The following PTP4A3 variants were observed in gnomAD, a reference collection of about 807,000 sequenced individuals.
PTP4A3 encodes the protein protein tyrosine phosphatase 4A3, also known as protein tyrosine phosphatase type IVA 3.
PTP4A3 carries 9 observed loss-of-function variants against 15.2 expected under a neutral mutation model. The ratio of observed to expected loss-of-function variants is 0.59; its 90% CI spans 0.36 to 1.03. PTP4A3 has a LOEUF of 1.03. Among genes scored for constraint, PTP4A3 ranks in the 50% least tolerant of loss-of-function variants. The pLI, the probability that PTP4A3 is intolerant of heterozygous loss-of-function variation, is 0.02. For missense variants in PTP4A3, 234 were observed against 252.1 expected, an observed-to-expected ratio of 0.93 and a Z score of 0.49; for synonymous variants, 95 against 102.0, an observed-to-expected ratio of 0.93 and a Z score of 0.41.
At chr8:141,393,385 C>T (rs1832348398) in intron 1 of PTP4A3, among the ~76,000 whole-genome samples, 2 of 152,188 alleles carry the variant, frequency 1.3e-5, no homozygotes, top group Non-Finnish European at 2.9e-5. Context: ...ACTGTGGTTA[C>T]GAAGGAGGAG....
rs1167823988 is a variant in PTP4A3 at position 141,421,991 on chromosome 8, C to T, written c.-250C>T. 1.3e-5 allele frequency: 6 copies of T among 474,466 alleles called. No homozygotes were observed. In the Admixed American group the frequency reaches 1.6e-4, roughly 13 times the overall value. The allele number at this position is 474,466 out of a possible 1,614,324, so 29.4% of individuals were successfully genotyped here. A position where few individuals can be genotyped will look rare whatever the true frequency, so the allele number is the denominator to read the frequency against. On this transcript the variant is annotated 5_prime_UTR_variant, in exon 2 of 6. Transcript: ENST00000521578. ...GGGGGGGGCGGCGGGCTGTTTTGTT[C>T]CTTTTCTTTTTTAAGAGTTGGGTTT...
chr8:141,396,064 C>T (rs1832443729), intron 1 of PTP4A3, among the ~76,000 whole-genome samples: 1 of 152,208 alleles, frequency 6.6e-6, no homozygotes, highest in South Asian at 2.1e-4. Flanking sequence ...ATGTGTAACC[C>T]CCACCCCTGC....
rs1832292746 is a variant in PTP4A3 at position 141,392,055 on chromosome 8, C to G, written c.-883C>G. Reference sequence around the variant, plus strand: ...GGCGCGCGCGTCCCGAGCCCTCCACCCGTCGTGCCGGCGCCGCCCGGACCG... The same window carrying G: ...GGCGCGCGCGTCCCGAGCCCTCCACGCGTCGTGCCGGCGCCGCCCGGACCG... On this transcript the variant is annotated 5_prime_UTR_variant, in exon 1 of 6. Transcript: ENST00000521578. 6.8e-6 allele frequency: 1 copy of G among 147,000 alleles called. No individual in the cohort carries two copies. Among genetic ancestry groups the G allele is most frequent in the Admixed American group, 6.8e-5 (1 of 14,788 alleles). The allele number at this position is 147,000 out of a possible 1,614,324, so 9.1% of individuals were successfully genotyped here. A position where few individuals can be genotyped will look rare whatever the true frequency, so the allele number is the denominator to read the frequency against.
At chr8:141,414,100 C>T (rs1832949401) in intron 1 of PTP4A3, among the ~76,000 whole-genome samples, 2 of 152,170 alleles carry the variant, frequency 1.3e-5, no homozygotes, top group South Asian at 4.1e-4. Context: ...GAGCACACAT[C>T]TCTGTGTATG....
chr8:141,427,185 G>T (rs1174771688), intron 4 of PTP4A3, 116 bp downstream of exon 4: 2 of 1,452,768 alleles, frequency 1.4e-6, no homozygotes, highest in Non-Finnish European at 9.2e-7. Context: ...CTTCCCAGGA[G>T]GCCCATGCCC....
chr8:141,428,667 A>T (rs1833698420), intron 5 of PTP4A3, among the ~76,000 whole-genome samples: 1 of 152,082 alleles, frequency 6.6e-6, no homozygotes. Flanking sequence ...GGTCTGTGCG[A>T]GAGCGTGGCC....
intron 1 of PTP4A3, among the ~76,000 whole-genome samples, chr8:141,419,900 C>G (rs1833247658): frequency 6.6e-6 from 1 of 152,314 alleles, no homozygotes; most frequent in African/African-American, 2.4e-5. Flanking sequence ...TTTTAACCTT[C>G]CCAGAACCAT....
intron 1 of PTP4A3, among the ~76,000 whole-genome samples, chr8:141,401,592 C>A (rs1431163915): frequency 1.3e-5 from 2 of 152,154 alleles, no homozygotes; most frequent in Non-Finnish European, 2.9e-5. Flanking sequence ...GTTCCCACGG[C>A]TGCCCAGCCA....
rs1360030342 is a variant in PTP4A3, at chr8:141,431,276, G to GGC, written c.*235_*236dup. On this transcript the variant is annotated 3_prime_UTR_variant, in exon 6 of 6. Transcript: ENST00000521578. ...TCCTGTCTCCGCCACTCCCTCTGGC[G>GGC]GCGCTGGCCGTGGCTCTGTCTCTCT... is the stretch of plus-strand genomic sequence containing the variant. 63 of 566,106 alleles carry GGC rather than the reference G, an allele frequency of 1.1e-4. No individual in the cohort carries two copies. The East Asian group carries it at 1.8e-3, about 17-fold the overall frequency. The allele number at this position is 566,106 out of a possible 1,614,324, so 35.1% of individuals were successfully genotyped here.
At chr8:141,397,318 A>C (rs1832476515) in intron 1 of PTP4A3, among the ~76,000 whole-genome samples, 1 of 151,620 alleles carries the variant, frequency 6.6e-6, no homozygotes. Flanking sequence ...CACAGGCTCC[A>C]GGCAGTGGGG....
At position 141,427,047 on chromosome 8, in the gene PTP4A3, C is replaced by T. The variant is rs765227210; in HGVS notation, c.307C>T (p.His103Tyr). ...CEAPGSCVAV[H>Y]CVAGLGRAPV... ...GGCCCCCGGCAGCTGCGTGGCTGTGCACTGCGTGGCGGGCCTGGGCCGGTG... is the reference window on the plus strand; with the variant it reads ...GGCCCCCGGCAGCTGCGTGGCTGTGTACTGCGTGGCGGGCCTGGGCCGGTG... Residue 103 changes from histidine (H) to tyrosine (Y), a missense_variant, in exon 4 of 6, where the codon CAC (histidine) becomes TAC (tyrosine). Coordinates refer to ENST00000521578, the MANE Select transcript of PTP4A3 (RefSeq NM_032611.3). 16 of 1,599,794 alleles carry T rather than the reference C, an allele frequency of 1.0e-5. No individual in the cohort carries two copies. The highest frequency in any genetic ancestry group is 1.4e-5 in the Non-Finnish European group (16 of 1,179,726).
At chr8:141,415,089 G>A (rs946454725) in intron 1 of PTP4A3, among the ~76,000 whole-genome samples, 2 of 152,144 alleles carry the variant, frequency 1.3e-5, no homozygotes, top group African/African-American at 4.8e-5. Flanking sequence ...AGGAAATGGG[G>A]ACAACAGGAT....
intron 1 of PTP4A3, among the ~76,000 whole-genome samples, chr8:141,411,023 G>T (rs1326453981): frequency 2.0e-5 from 3 of 152,200 alleles, no homozygotes; most frequent in Non-Finnish European, 4.4e-5. Context: ...GTCAGTGCTG[G>T]CAGCACTGGC....
At position 141,429,362 on chromosome 8, in the gene PTP4A3, G is replaced by A. The variant is rs147320275; in HGVS notation, c.404+1538G>A. Among the ~76,000 whole-genome samples, 116 of 152,370 alleles carry A rather than the reference G, an allele frequency of 7.6e-4. 1 individual carries two copies. Among genetic ancestry groups the A allele is most frequent in the African/African-American group, 2.6e-3 (109 of 41,598 alleles). On this transcript the variant is annotated intron_variant, in intron 5 of 5. Transcript: ENST00000521578. ...TGGGGATGGATGAGCCTCCAGAGGC[G>A]CTGGGTGGGCAGCCCCCGCCCCTCA...
At chr8:141,410,085 C>T (rs879635315) in intron 1 of PTP4A3, among the ~76,000 whole-genome samples, 2 of 152,202 alleles carry the variant, frequency 1.3e-5, no homozygotes, top group South Asian at 2.1e-4. Context: ...CTGCTGCGGA[C>T]GGTCACCGCG....
chr8:141,427,219 G>A, intron 4 of PTP4A3, 150 bp downstream of exon 4: 1 of 1,180,076 alleles, frequency 8.5e-7, no homozygotes, highest in South Asian at 1.6e-5. Flanking sequence ...TCCCAGACTG[G>A]TCCTCTCCCA....
intron 1 of PTP4A3, among the ~76,000 whole-genome samples, chr8:141,398,153 G>T (rs970780541): frequency 2.0e-5 from 3 of 152,218 alleles, no homozygotes; most frequent in Non-Finnish European, 4.4e-5. Flanking sequence ...AGTGCTCAGG[G>T]TTTATTTGCT....
intron 1 of PTP4A3, 103 bp downstream of exon 1, chr8:141,392,187 C>A (rs1261845769): frequency 6.7e-6 from 1 of 149,366 alleles, no homozygotes; most frequent in African/African-American, 2.4e-5. Flanking sequence ...CCGGGCACGG[C>A]TTCGGGGCCG....
At chr8:141,407,323 A>G (rs761015431) in intron 1 of PTP4A3, among the ~76,000 whole-genome samples, 22 of 152,178 alleles carry the variant, frequency 1.4e-4, no homozygotes, top group African/African-American at 2.4e-4. Context: ...CCCGTACCCA[A>G]TGGGGTCTTG....
Sources: gnomAD v4.1 joint callset for allele counts (sites outside exome capture counted in the v4.1 genomes callset) on GRCh38, gnomAD v4.1.1 for gene constraint, MANE v1.5 for transcripts, NCBI Gene and HGNC (gene_info 2026-07-23, HGNC 2026-07-21) for gene names.